Variants in PTPN7 observed in about 807,000 individuals in gnomAD.
PTPN7 encodes the protein tyrosine-protein phosphatase non-receptor type 7.
A neutral mutation model predicts 50.3 loss-of-function variants in PTPN7; 33 were observed. The ratio of observed to expected loss-of-function variants is 0.66; its 90% CI spans 0.50 to 0.88. The LOEUF (loss-of-function observed/expected upper bound fraction) is 0.88, where lower values mean the gene tolerates loss of function less well. Ranked by LOEUF, PTPN7 falls within the 40% of genes least tolerant of loss-of-function variation. PTPN7 has a pLI of 0.00. For synonymous variants in PTPN7, 185 were observed against 186.6 expected, an observed-to-expected ratio of 0.99 and a Z score of 0.07; for missense variants, 412 against 475.4, an observed-to-expected ratio of 0.87 and a Z score of 1.24.
chr1:202,160,913 C>T (rs989598072), upstream of PTPN7: 68 of 1,450,350 alleles, frequency 4.7e-5, no homozygotes, highest in Non-Finnish European at 5.9e-5. This position sits in a 1 kb window ranked among gnomAD's most constrained non-coding sequence, Gnocchi z 4.8. Flanking sequence ...TCGCCTGACC[C>T]CCAGCTCTGT....
In PTPN7 at chr1:202,155,513, A is replaced by G. The variant is rs773045497; in HGVS notation, c.468+20T>C. On this transcript the variant is annotated intron_variant, in intron 5 of 9. Coordinates refer to ENST00000691036, the MANE Select transcript of PTPN7 (RefSeq NM_002832.4). ...AGAATTCCCCCATTCCCCGCCCACC[A>G]CTGCAGCCAGGCCACTCACTCGGAT... 1 of 1,528,700 alleles carries G rather than the reference A, an allele frequency of 6.5e-7. No homozygotes were observed. Among genetic ancestry groups the G allele is most frequent in the Non-Finnish European group, 9.1e-7 (1 of 1,102,766 alleles). 94.7% of individuals were successfully genotyped at this position (1,528,700 alleles called of 1,614,324 possible).
intron 4 of PTPN7, among the ~76,000 whole-genome samples, chr1:202,156,631 C>G (rs957101468): frequency 7.2e-5 from 11 of 152,214 alleles, no homozygotes; most frequent in African/African-American, 1.9e-4. Context: ...TTTCCCTTTT[C>G]TGGTGGCTGC....
upstream of PTPN7, chr1:202,161,283 A>G (rs1286194873): frequency 8.6e-7 from 1 of 1,157,104 alleles, no homozygotes; most frequent in Non-Finnish European, 1.1e-6. Context: ...CAGGAAGCAG[A>G]TAGCAGAGTC....
chr1:202,159,814 C>T lies in PTPN7; in HGVS notation c.-52-360G>A, dbSNP rs371189164. 110 of 1,146,994 alleles carry T rather than the reference C, an allele frequency of 9.6e-5. No individual in the cohort carries two copies. The highest frequency in any genetic ancestry group is 1.4e-4 in the African/African-American group (9 of 62,716). 71.1% of individuals were successfully genotyped at this position (1,146,994 alleles called of 1,614,324 possible). On this transcript the variant is annotated intron_variant, in intron 1 of 9. Coordinates refer to ENST00000691036, the MANE Select transcript of PTPN7 (RefSeq NM_002832.4). This position sits in a 1 kb window ranked among gnomAD's most constrained non-coding sequence, Gnocchi z 4.6. ...AACAGAAAATATGTGTTCTCTAGGA[C>T]GGAAGGGAGAAAGCACGCAGAAGCC...
In PTPN7 at chr1:202,159,898, T is replaced by C; in HGVS notation, c.-52-444A>G. ...CAGAGAATGGAGGCCTCCAGCAGTG[T>C]TGGAGCTGGTTGGGCAGCCAGGCAG... On this transcript the variant is annotated intron_variant, in intron 1 of 9. Transcript: ENST00000691036. The surrounding 1 kb of genome is among the most constrained non-coding windows in gnomAD (Gnocchi z 4.6). The C allele has an allele frequency of 9.8e-7, 1 of 1,016,306 alleles. No individual in the cohort carries two copies. 63.0% of individuals were successfully genotyped at this position (1,016,306 alleles called of 1,614,324 possible). A position where few individuals can be genotyped will look rare whatever the true frequency, so the allele number is the denominator to read the frequency against.
chr1:202,159,752 C>T lies in PTPN7; in HGVS notation c.-52-298G>A, dbSNP rs1657140359. The T allele has an allele frequency of 1.5e-6, 2 of 1,299,318 alleles. No individual in the cohort carries two copies. The highest frequency in any genetic ancestry group is 3.5e-5 in the Admixed American group (1 of 28,610). 80.5% of individuals were successfully genotyped at this position (1,299,318 alleles called of 1,614,324 possible). ...AGGCCACACACCAGAGTACACAGGG[C>T]TCTGAGCAGGTCCAAGTGGGAGAAG... On this transcript the variant is annotated intron_variant, in intron 1 of 9. Coordinates refer to ENST00000691036, the MANE Select transcript of PTPN7 (RefSeq NM_002832.4). The surrounding 1 kb of genome is among the most constrained non-coding windows in gnomAD (Gnocchi z 4.6).
At chr1:202,156,970 G>A (rs1656733874) in intron 4 of PTPN7, among the ~76,000 whole-genome samples, 2 of 152,178 alleles carry the variant, frequency 1.3e-5, no homozygotes, top group African/African-American at 2.4e-5. Context: ...GCTGGCCGTT[G>A]CCCTGTCTCC....
At chr1:202,158,021 G>T in intron 3 of PTPN7, 97 bp downstream of exon 3, 1 of 1,432,930 alleles carries the variant, frequency 7.0e-7, no homozygotes, top group Non-Finnish European at 9.5e-7. Context: ...GGGGCCCAAA[G>T]GGGAGACTTG....
intron 2 of PTPN7, 153 bp from the exon 3 acceptor site, chr1:202,158,454 G>T: frequency 1.4e-6 from 1 of 727,522 alleles, no homozygotes; most frequent in Non-Finnish European, 2.2e-6. Flanking sequence ...TCAAACTCCT[G>T]GGCTGAAGCA....
chr1:202,148,257 T>TTATA lies in PTPN7; in HGVS notation c.*348_*349insTATA, dbSNP rs755606135. ...ATGTTCATGTTATAGAACAGGAAAC[T>TTATA]GAAGCTCACAAAGAGTGTCTCAGAG... On this transcript the variant is annotated 3_prime_UTR_variant, in exon 10 of 10. Transcript: ENST00000691036. 2.1e-4 allele frequency: 42 copies of TTATA among 201,358 alleles called. No homozygotes were observed. The highest frequency in any genetic ancestry group is 3.6e-4 in the Non-Finnish European group (36 of 100,616). 12.5% of individuals were successfully genotyped at this position (201,358 alleles called of 1,614,324 possible).
At position 202,159,204 on chromosome 1, in the gene PTPN7, AG is replaced by A; in HGVS notation, c.122+76del. 3 of 1,440,130 alleles carry A rather than the reference AG, an allele frequency of 2.1e-6. No individual in the cohort carries two copies. The highest frequency in any genetic ancestry group is 2.9e-6 in the Non-Finnish European group (3 of 1,033,700). The allele number at this position is 1,440,130 out of a possible 1,614,324, so 89.2% of individuals were successfully genotyped here. A position where few individuals can be genotyped will look rare whatever the true frequency, so the allele number is the denominator to read the frequency against. ...CTCTGGACCCTGCTGTCAGAGCTGG[AG>A]GGGCAGATGGAAGGAAGGGAGGAGC... On this transcript the variant is annotated intron_variant, in intron 2 of 9. Transcript: ENST00000691036. This position sits in a 1 kb window ranked among gnomAD's most constrained non-coding sequence, Gnocchi z 4.6.
chr1:202,161,312 C>T (rs964647486), upstream of PTPN7: 19 of 1,170,588 alleles, frequency 1.6e-5, no homozygotes, highest in African/African-American at 1.4e-4. Context: ...GGAGGGAGTC[C>T]GAGGGGCTTC....
In PTPN7 at chr1:202,159,261, TC is replaced by T; in HGVS notation, c.122+19del. ...GGGGGCTCAGGGCTCGGAAGACCCC[TC>T]CCCCAGGGAAGATCTCACCTCTCCT... is the stretch of plus-strand genomic sequence containing the variant. On this transcript the variant is annotated intron_variant, in intron 2 of 9. Coordinates refer to ENST00000691036, the MANE Select transcript of PTPN7 (RefSeq NM_002832.4). This position sits in a 1 kb window ranked among gnomAD's most constrained non-coding sequence, Gnocchi z 4.6. 1 of 1,610,338 alleles carries T rather than the reference TC, an allele frequency of 6.2e-7. No homozygotes were observed. The highest frequency in any genetic ancestry group is 1.1e-5 in the South Asian group (1 of 90,876).
chr1:202,153,333 A>G (rs187671765), intron 7 of PTPN7, among the ~76,000 whole-genome samples: 1 of 152,274 alleles, frequency 6.6e-6, no homozygotes, highest in East Asian at 1.9e-4. Context: ...CATGTTGGCC[A>G]GGCTGGTCTG....
At chr1:202,160,620 A>G, upstream of PTPN7, 1 of 1,550,484 alleles carries the variant, frequency 6.4e-7, no homozygotes, top group Non-Finnish European at 8.7e-7. The surrounding 1 kb of genome is among the most constrained non-coding windows in gnomAD (Gnocchi z 4.8). Context: ...AGGGCTGAGA[A>G]GGCTCCAGGA....
rs746048185 is a variant in PTPN7, at chr1:202,160,563, C to A, written c.-71G>T. ...TACTTACTGAAGCAGCTGTGGCCCC[C>A]AGGCTGCCTCTTGCCAGCTGTCTGT... On this transcript the variant is annotated 5_prime_UTR_variant, in exon 1 of 10. Coordinates refer to ENST00000691036, the MANE Select transcript of PTPN7 (RefSeq NM_002832.4). This position sits in a 1 kb window ranked among gnomAD's most constrained non-coding sequence, Gnocchi z 4.8. The A allele has an allele frequency of 1.3e-6, 2 of 1,549,398 alleles. No individual in the cohort carries two copies. Among genetic ancestry groups the A allele is most frequent in the Non-Finnish European group, 8.7e-7 (1 of 1,146,148 alleles).
rs267598307 is a variant in PTPN7, at chr1:202,152,619, G to A, written c.798C>T (p.Pro266=). The A allele has an allele frequency of 6.2e-6, 10 of 1,614,012 alleles. No individual in the cohort carries two copies. In the East Asian group the frequency reaches 2.0e-4, roughly 32 times the overall value. The change falls in exon 8 of 10, where the codon CCC becomes CCT. Residue 266 remains proline (P), a synonymous_variant. Coordinates refer to ENST00000691036, the MANE Select transcript of PTPN7 (RefSeq NM_002832.4). Reference sequence around the variant, plus strand: ...CCACCTCTGCCACTAGGCGCAGCAGGGGCCCAGCTGATTCTGGTGTCTGAT... The same window carrying A: ...CCACCTCTGCCACTAGGCGCAGCAGAGGCCCAGCTGATTCTGGTGTCTGAT... ...PDHQTPESAG[P]LLRLVAEVEE...
Position 202,158,173 on chromosome 1 carries a change from C to T in PTPN7, c.251G>A (p.Arg84His), listed in dbSNP as rs754171816. Reference sequence around the variant, plus strand: ...GGGTGGCTGGCGCTGAAGGGCCCAGCGGGTAAGGGGGTGTCCAGCAGTGCG... The same window carrying T: ...GGGTGGCTGGCGCTGAAGGGCCCAGTGGGTAAGGGGGTGTCCAGCAGTGCG... ...FLRTAGHPLT[R>H]WALQRQPPSP... Residue 84 changes from arginine to histidine, a missense_variant, in exon 3 of 10, where the codon CGC (arginine) becomes CAC (histidine). Arg to His is a conservative substitution (Grantham distance 29). Transcript: ENST00000691036. 8.1e-6 allele frequency: 13 copies of T among 1,609,790 alleles called. No individual in the cohort carries two copies. Among genetic ancestry groups the T allele is most frequent in the African/African-American group, 1.3e-5 (1 of 74,652 alleles).
chr1:202,152,007 T>A (rs747197676), intron 8 of PTPN7, among the ~76,000 whole-genome samples: 8 of 151,086 alleles, frequency 5.3e-5, no homozygotes, highest in Non-Finnish European at 1.0e-4. Context: ...CCTCCAGAGT[T>A]TGAGCAATTC....
Sources: allele counts gnomAD v4.1 joint callset (sites outside exome capture counted in the v4.1 genomes callset), GRCh38; gene constraint gnomAD v4.1.1; non-coding constraint Gnocchi (gnomAD v3.1); transcripts MANE v1.5; gene names NCBI Gene and HGNC (gene_info 2026-07-23, HGNC 2026-07-21).